ARHGAP44: variants seen among roughly 807,000 people sequenced by gnomAD.
The protein encoded by ARHGAP44 is rho GTPase-activating protein 44.
ARHGAP44 carries 43 observed loss-of-function variants against 106.8 expected under a neutral mutation model. The ratio of observed to expected loss-of-function variants is 0.40; its 90% CI spans 0.32 to 0.52. The LOEUF (loss-of-function observed/expected upper bound fraction) is 0.52, where lower values mean the gene tolerates loss of function less well. Ranked by LOEUF, ARHGAP44 falls within the 20% of genes least tolerant of loss-of-function variation. ARHGAP44 has a pLI of 0.48. For synonymous variants in ARHGAP44, 439 were observed against 410.3 expected (o/e 1.07, Z -0.85); for missense variants, 866 against 1,050.5 (o/e 0.82, Z 2.43).
At chr17:12,820,914 TA>T (rs1321387790) in intron 1 of ARHGAP44, among the ~76,000 whole-genome samples, 3 of 152,190 alleles carry the variant, frequency 2.0e-5, no homozygotes, top group African/African-American at 7.2e-5. Flanking sequence ...AGACCATATC[TA>T]AAACCCTGAA....
rs2143074971 is a variant in ARHGAP44 at position 12,949,435 on chromosome 17, A to T, written c.973+184A>T. Among the ~76,000 whole-genome samples the T allele has an allele frequency of 6.6e-6, 1 of 152,320 alleles. No individual in the cohort carries two copies. Among genetic ancestry groups the T allele is most frequent in the African/African-American group, 2.4e-5 (1 of 41,578 alleles). On this transcript the variant is annotated intron_variant, in intron 11 of 20. Transcript: ENST00000379672. The surrounding 1 kb of genome is among the most constrained non-coding windows in gnomAD (Gnocchi z 4.1). ...GCCCCTTGAAGGAAGGCCTCCCCGC[A>T]TGCCAAGGGAAGACGAGGTAATTGT...
chr17:12,799,023 T>G (rs551345478), intron 1 of ARHGAP44, among the ~76,000 whole-genome samples: 1 of 152,244 alleles, frequency 6.6e-6, no homozygotes, highest in Admixed American at 6.5e-5. Flanking sequence ...TCATTCCTAA[T>G]TTACAATTCT....
intron 12 of ARHGAP44, 115 bp from the exon 13 acceptor site, chr17:12,952,386 G>A: frequency 1.2e-6 from 1 of 824,370 alleles, no homozygotes; most frequent in Non-Finnish European, 1.9e-6. Flanking sequence ...CTAGCTTGCT[G>A]ATATGGTCAG....
At chr17:12,954,674 C>T (rs2039083988) in intron 13 of ARHGAP44, among the ~76,000 whole-genome samples, 1 of 151,806 alleles carries the variant, frequency 6.6e-6, no homozygotes, top group Admixed American at 6.6e-5. Context: ...GGACCACAGC[C>T]TATTGTAACT....
At chr17:12,919,169 G>T (rs1365774142) in intron 5 of ARHGAP44, among the ~76,000 whole-genome samples, 1 of 152,134 alleles carries the variant, frequency 6.6e-6, no homozygotes, top group African/African-American at 2.4e-5. Flanking sequence ...TAGAAACTAT[G>T]GGATGTGATG....
chr17:12,851,484 T>C (rs192698567), intron 1 of ARHGAP44, among the ~76,000 whole-genome samples: 1 of 152,248 alleles, frequency 6.6e-6, no homozygotes, highest in East Asian at 1.9e-4. Flanking sequence ...TTTTTTCTCT[T>C]GAGATGGAGT....
chr17:12,874,572 A>G (rs1362876318), intron 1 of ARHGAP44, among the ~76,000 whole-genome samples: 1 of 152,100 alleles, frequency 6.6e-6, no homozygotes, highest in Admixed American at 6.6e-5. Context: ...CTATACTAAA[A>G]ATATAAAAAT....
intron 6 of ARHGAP44, 39 bp downstream of exon 6, chr17:12,919,870 G>A (rs1278336052): frequency 1.3e-6 from 2 of 1,558,288 alleles, no homozygotes; most frequent in African/African-American, 1.4e-5. Flanking sequence ...TCTTTGAAGG[G>A]ACAGTGATCA....
In ARHGAP44 at chr17:12,949,338, C is replaced by T. The variant is rs1402413192; in HGVS notation, c.973+87C>T. 4 of 1,383,662 alleles carry T rather than the reference C, an allele frequency of 2.9e-6. No homozygotes were observed. Among genetic ancestry groups the T allele is most frequent in the Non-Finnish European group, 4.0e-6 (4 of 1,009,220 alleles). 85.7% of individuals were successfully genotyped at this position (1,383,662 alleles called of 1,614,324 possible). On this transcript the variant is annotated intron_variant, in intron 11 of 20. Coordinates refer to ENST00000379672, the MANE Select transcript of ARHGAP44 (RefSeq NM_014859.6). This position sits in a 1 kb window ranked among gnomAD's most constrained non-coding sequence, Gnocchi z 4.1. ...GCTGTGTGGCTACAAGTCCAGGACA[C>T]TCAAGTCAGTGGCTGCCCAAAGCAC...
chr17:12,881,949 C>A (rs1005171513), intron 1 of ARHGAP44, among the ~76,000 whole-genome samples: 1 of 152,138 alleles, frequency 6.6e-6, no homozygotes, highest in Non-Finnish European at 1.5e-5. Context: ...GATCCTCCTG[C>A]CTCAGCCTCC....
At chr17:12,937,011 A>G (rs992500383) in intron 7 of ARHGAP44, among the ~76,000 whole-genome samples, 2 of 152,170 alleles carry the variant, frequency 1.3e-5, no homozygotes, top group African/African-American at 4.8e-5. Context: ...TGATGTGGTA[A>G]GGTGTGGGAG....
chr17:12,952,342 G>C (rs770646528), intron 12 of ARHGAP44, among the ~76,000 whole-genome samples, 159 bp from the exon 13 acceptor site: 17 of 152,206 alleles, frequency 1.1e-4, no homozygotes, highest in Non-Finnish European at 2.1e-4. Flanking sequence ...GGAGAACATA[G>C]AGGGGTAAAT....
intron 18 of ARHGAP44, among the ~76,000 whole-genome samples, chr17:12,975,188 C>T (rs1445267573): frequency 6.6e-6 from 1 of 152,144 alleles, no homozygotes; most frequent in Non-Finnish European, 1.5e-5. Context: ...CTATTTGGAC[C>T]ACAGTTGACC....
chr17:12,882,248 G>GA (rs1368118528), intron 1 of ARHGAP44, among the ~76,000 whole-genome samples: 1 of 151,932 alleles, frequency 6.6e-6, no homozygotes, highest in Non-Finnish European at 1.5e-5. Context: ...TTGCTGTATG[G>GA]AATGAATTTT....
chr17:12,789,948 G>T, intron 1 of ARHGAP44, 57 bp downstream of exon 1: 1 of 1,464,294 alleles, frequency 6.8e-7, no homozygotes, highest in Non-Finnish European at 9.1e-7. Context: ...CATCCGCAGG[G>T]GCGCGCAGGT....
At chr17:12,927,043 A>C (rs2038268292) in intron 6 of ARHGAP44, among the ~76,000 whole-genome samples, 2 of 152,202 alleles carry the variant, frequency 1.3e-5, no homozygotes, top group Admixed American at 1.3e-4. Context: ...AAACCTTTAT[A>C]AGAAAAAATT....
At chr17:12,891,261 G>T (rs2037036863) in intron 1 of ARHGAP44, among the ~76,000 whole-genome samples, 1 of 152,160 alleles carries the variant, frequency 6.6e-6, no homozygotes, top group Admixed American at 6.5e-5. Flanking sequence ...ATTTGTTATA[G>T]CAGTACCTCA....
At chr17:12,940,770 T>C (rs2038684965) in intron 7 of ARHGAP44, among the ~76,000 whole-genome samples, 1 of 152,196 alleles carries the variant, frequency 6.6e-6, no homozygotes. Context: ...TGGATGGAAC[T>C]AATTTGCACA....
chr17:12,882,594 A>G (rs2036771213), intron 1 of ARHGAP44, among the ~76,000 whole-genome samples: 1 of 152,110 alleles, frequency 6.6e-6, no homozygotes, highest in African/African-American at 2.4e-5. Context: ...ATAATGTTTT[A>G]TAGGTGCTTT....
Sources: allele counts gnomAD v4.1 joint callset (sites outside exome capture counted in the v4.1 genomes callset), GRCh38; gene constraint gnomAD v4.1.1; non-coding constraint Gnocchi (gnomAD v3.1); transcripts MANE v1.5; gene names NCBI Gene and HGNC (gene_info 2026-07-23, HGNC 2026-07-21).